SYNGR3: variants seen among roughly 807,000 people sequenced by gnomAD.
SYNGR3 encodes synaptogyrin 3, also known as synaptogyrin-3.
SYNGR3 carries 10 observed loss-of-function variants against 18.5 expected under a neutral mutation model. The ratio of observed to expected loss-of-function variants is 0.54; its 90% CI spans 0.33 to 0.92. The LOEUF is 0.92. SYNGR3 is among the 40% of genes least tolerant of loss of function. The pLI, the probability that SYNGR3 is intolerant of heterozygous loss-of-function variation, is 0.02. For missense variants in SYNGR3, 335 were observed against 332.8 expected (o/e 1.01, Z -0.05); for synonymous variants, 188 against 157.2 (o/e 1.20, Z -1.47).
At chr16:1,992,799 G>A (rs1470670334) in intron 3 of SYNGR3, 21 bp downstream of exon 3, 1 of 1,517,944 alleles carries the variant, frequency 6.6e-7, no homozygotes, top group East Asian at 2.4e-5. Flanking sequence ...GGCCCGGGAG[G>A]GCGGGGCGAA....
chr16:1,993,140 C>T lies in SYNGR3; in HGVS notation c.*68C>T. 2 of 1,531,312 alleles carry T rather than the reference C, an allele frequency of 1.3e-6. No individual in the cohort carries two copies. The highest frequency in any genetic ancestry group is 2.7e-5 in the African/African-American group (2 of 72,768). 94.9% of individuals were successfully genotyped at this position (1,531,312 alleles called of 1,614,324 possible). A position where few individuals can be genotyped will look rare whatever the true frequency, so the allele number is the denominator to read the frequency against. ...ACGCAGGCCCCAGGGTCTCCGGGACCTCCCTTGGGTCCTTCCAGCTCAGTG... is the reference window on the plus strand; with the variant it reads ...ACGCAGGCCCCAGGGTCTCCGGGACTTCCCTTGGGTCCTTCCAGCTCAGTG... On this transcript the variant is annotated 3_prime_UTR_variant, in exon 4 of 4. Coordinates refer to ENST00000248121, the MANE Select transcript of SYNGR3 (RefSeq NM_004209.6).
Position 1,990,163 on chromosome 16 carries a change from G to C in SYNGR3, c.61G>C (p.Ala21Pro). Residue 21 changes from alanine to proline, a missense_variant, in exon 1 of 4, where the codon GCG (alanine) becomes CCG (proline). Physicochemically the swap from Ala to Pro is conservative, Grantham distance 27. Transcript: ENST00000248121. ...GGCCGCCCTGGACCCCGTGAGCTTT[G>C]CGCGGCGGCCCCAGACCCTGCTCCG... is the stretch of plus-strand genomic sequence containing the variant. ...AGAALDPVSF[A>P]RRPQTLLRVA... 4 of 1,263,100 alleles carry C rather than the reference G, an allele frequency of 3.2e-6. No homozygotes were observed. Among genetic ancestry groups the C allele is most frequent in the Non-Finnish European group, 4.0e-6 (4 of 1,001,936 alleles). The allele number at this position is 1,263,100 out of a possible 1,614,324, so 78.2% of individuals were successfully genotyped here.
intron 1 of SYNGR3, 56 bp downstream of exon 1, chr16:1,990,257 C>T (rs1227465491): frequency 2.2e-6 from 2 of 913,566 alleles, no homozygotes; most frequent in Non-Finnish European, 2.9e-6. Flanking sequence ...ACCTTCAGGC[C>T]CCTACCAGCC....
In SYNGR3 at chr16:1,993,123, C is replaced by T; in HGVS notation, c.*51C>T. 1 of 1,558,124 alleles carries T rather than the reference C, an allele frequency of 6.4e-7. No homozygotes were observed. Among genetic ancestry groups the T allele is most frequent in the Non-Finnish European group, 8.7e-7 (1 of 1,151,932 alleles). The stretch of plus-strand genomic sequence containing the variant: ...CCAAGGCCACCCCACCAACGCAGGC[C>T]CCAGGGTCTCCGGGACCTCCCTTGG... On this transcript the variant is annotated 3_prime_UTR_variant, in exon 4 of 4. Transcript: ENST00000248121.
intron 1 of SYNGR3, chr16:1,990,569 G>T (rs2083598052): frequency 2.3e-6 from 1 of 443,250 alleles, no homozygotes; most frequent in Non-Finnish European, 4.5e-6. Context: ...TCTCCGAGGG[G>T]CAGGAGGGGG....
At position 1,992,785 on chromosome 16, in the gene SYNGR3, G is replaced by T; in HGVS notation, c.480+7G>T. 1 of 1,541,818 alleles carries T rather than the reference G, an allele frequency of 6.5e-7. No individual in the cohort carries two copies. ...CTTCTCCATCCTCAGCTGGGTGAGT[G>T]CGGGGCCCGGGAGGGCGGGGCGAAG... On this transcript the variant is annotated splice_region_variant and intron_variant, in intron 3 of 3. Coordinates refer to ENST00000248121, the MANE Select transcript of SYNGR3 (RefSeq NM_004209.6).
At chr16:1,991,706 T>A in intron 1 of SYNGR3, 1 of 487,466 alleles carries the variant, frequency 2.1e-6, no homozygotes, top group East Asian at 3.7e-5. Context: ...ACAATGGCGA[T>A]CCCACGGGGA....
chr16:1,994,157 C>T lies in SYNGR3; in HGVS notation c.*1085C>T, dbSNP rs1243164329. On this transcript the variant is annotated 3_prime_UTR_variant, in exon 4 of 4. Transcript: ENST00000248121. ...GTGGATATTTAAGTGAACATGTTTA[C>T]AATTTTTGTATATATCACTCTCTCC... The T allele has an allele frequency of 6.5e-6, 1 of 154,804 alleles. No individual in the cohort carries two copies. 9.6% of individuals were successfully genotyped at this position (154,804 alleles called of 1,614,324 possible). A position where few individuals can be genotyped will look rare whatever the true frequency, so the allele number is the denominator to read the frequency against.
At position 1,993,830 on chromosome 16, in the gene SYNGR3, TCAG is replaced by T. The variant is rs2083617724; in HGVS notation, c.*762_*764del. ...CTGGGTGCCAGGCAAGACAAGCCCCTCAGCAGGAGAGAGGCCCAGAGGCTCCAG... is the reference window on the plus strand; with the variant it reads ...CTGGGTGCCAGGCAAGACAAGCCCCTCAGGAGAGAGGCCCAGAGGCTCCAG... On this transcript the variant is annotated 3_prime_UTR_variant, in exon 4 of 4. Coordinates refer to ENST00000248121, the MANE Select transcript of SYNGR3 (RefSeq NM_004209.6). 3.0e-6 allele frequency: 1 copy of T among 335,966 alleles called. No individual in the cohort carries two copies. Among genetic ancestry groups the T allele is most frequent in the Non-Finnish European group, 5.9e-6 (1 of 169,852 alleles). 20.8% of individuals were successfully genotyped at this position (335,966 alleles called of 1,614,324 possible). A position where few individuals can be genotyped will look rare whatever the true frequency, so the allele number is the denominator to read the frequency against.
At position 1,990,183 on chromosome 16, in the gene SYNGR3, G is replaced by GC. The variant is rs2083594921; in HGVS notation, c.82dup (p.Leu28ProfsTer280). On this transcript the variant is annotated frameshift_variant, in exon 1 of 4. Transcript: ENST00000248121. LOFTEE classifies it high-confidence loss of function. ...GCTTTGCGCGGCGGCCCCAGACCCT[G>GC]CTCCGGGTCGCGTCCTGGGTGAGTG... 7.8e-7 allele frequency: 1 copy of GC among 1,280,020 alleles called. No individual in the cohort carries two copies. The highest frequency in any genetic ancestry group is 9.9e-7 in the Non-Finnish European group (1 of 1,012,222). The allele number at this position is 1,280,020 out of a possible 1,614,324, so 79.3% of individuals were successfully genotyped here. A position where few individuals can be genotyped will look rare whatever the true frequency, so the allele number is the denominator to read the frequency against.
In SYNGR3 at chr16:1,993,073, C is replaced by A. The variant is rs1161742707; in HGVS notation, c.*1C>A. The A allele has an allele frequency of 6.2e-7, 1 of 1,607,262 alleles. No individual in the cohort carries two copies. Among genetic ancestry groups the A allele is most frequent in the Admixed American group, 1.7e-5 (1 of 59,548 alleles). On this transcript the variant is annotated 3_prime_UTR_variant, in exon 4 of 4. Transcript: ENST00000248121. ...AGGGTACCAGGTGCCCGCCTACTAG[C>A]GGCTGGCAGGCACAGACCAGGGCTC...
Position 1,992,206 on chromosome 16 carries a change from TCTC to T in SYNGR3, c.333_335del (p.Phe111_Ser112delinsLeu). The T allele has an allele frequency of 8.0e-7, 1 of 1,248,042 alleles. No homozygotes were observed. Among genetic ancestry groups the T allele is most frequent in the Non-Finnish European group, 1.0e-6 (1 of 988,680 alleles). The allele number at this position is 1,248,042 out of a possible 1,614,324, so 77.3% of individuals were successfully genotyped here. ...CGCGCGGTGTTGCTGGACCTGGGCT[TCTC>T]AGGTGGGCGGGGCCGGGGCGGTGAG... On this transcript the variant is annotated inframe_deletion and splice_region_variant, in exon 2 of 4. Transcript: ENST00000248121.
Position 1,993,530 on chromosome 16 carries a change from T to C in SYNGR3, c.*458T>C, listed in dbSNP as rs1236441904. The C allele has an allele frequency of 2.1e-6, 1 of 465,250 alleles. No homozygotes were observed. Among genetic ancestry groups the C allele is most frequent in the Non-Finnish European group, 4.3e-6 (1 of 233,122 alleles). The allele number at this position is 465,250 out of a possible 1,614,324, so 28.8% of individuals were successfully genotyped here. A position where few individuals can be genotyped will look rare whatever the true frequency, so the allele number is the denominator to read the frequency against. On this transcript the variant is annotated 3_prime_UTR_variant, in exon 4 of 4. Transcript: ENST00000248121. ...CCCATGTCCCTGTGGGTAGTGACTG[T>C]CTCGTTTCTGTCATGGTGGTGCGTC...
chr16:1,992,789 G>A lies in SYNGR3; in HGVS notation c.480+11G>A, dbSNP rs925512273. ...TCCATCCTCAGCTGGGTGAGTGCGG[G>A]GCCCGGGAGGGCGGGGCGAAGGGGC... is the stretch of plus-strand genomic sequence containing the variant. On this transcript the variant is annotated intron_variant, in intron 3 of 3. Coordinates refer to ENST00000248121, the MANE Select transcript of SYNGR3 (RefSeq NM_004209.6). The A allele has an allele frequency of 5.2e-6, 8 of 1,526,044 alleles. No individual in the cohort carries two copies. In the African/African-American group the frequency reaches 7.1e-5, roughly 13 times the overall value. The allele number at this position is 1,526,044 out of a possible 1,614,324, so 94.5% of individuals were successfully genotyped here.
intron 2 of SYNGR3, 46 bp downstream of exon 2, chr16:1,992,257 CGGGGAGGGG>C: frequency 4.1e-5 from 1 of 24,536 alleles, no homozygotes; most frequent in Non-Finnish European, 6.8e-5. Context: ...TCCGGGTGGG[CGGGGAGGGG>C]GCGGGGCCTG....
intron 2 of SYNGR3, 150 bp downstream of exon 2, chr16:1,992,361 C>A: frequency 7.4e-6 from 1 of 134,738 alleles, no homozygotes; most frequent in Non-Finnish European, 1.2e-5. Context: ...ATGGGCCTCC[C>A]GGGTGGGCGG....
chr16:1,992,723 C>A lies in SYNGR3; in HGVS notation c.425C>A (p.Ala142Glu), dbSNP rs1166411275. The change falls in exon 3 of 4, where the codon GCG (alanine) becomes GAG (glutamate). Residue 142 changes from alanine (A) to glutamate (E), a missense_variant. By Grantham distance (107) the Ala-to-Glu change is moderately radical (BLOSUM62 -1). Transcript: ENST00000248121. The stretch of plus-strand genomic sequence containing the variant: ...GCGCCAGGGCCGGCCACGACGCAGG[C>A]GGGGGACGCGGCGCGGGCCGCCATC... ...RTAPGPATTQ[A>E]GDAARAAIAF... is the part of the protein sequence containing the mutation. 1 of 1,591,618 alleles carries A rather than the reference C, an allele frequency of 6.3e-7. No homozygotes were observed. The highest frequency in any genetic ancestry group is 8.5e-7 in the Non-Finnish European group (1 of 1,172,588).
At position 1,990,102 on chromosome 16, in the gene SYNGR3, C is replaced by T; in HGVS notation, c.-1C>T. ...GGGCGCGCGTCCCGCCCGGGCCGGC[C>T]ATGGAGGGCGCCTCCTTCGGCGCGG... is the stretch of plus-strand genomic sequence containing the variant. On this transcript the variant is annotated 5_prime_UTR_variant, in exon 1 of 4. Coordinates refer to ENST00000248121, the MANE Select transcript of SYNGR3 (RefSeq NM_004209.6). 1 of 1,207,660 alleles carries T rather than the reference C, an allele frequency of 8.3e-7. No individual in the cohort carries two copies. The highest frequency in any genetic ancestry group is 3.3e-5 in the East Asian group (1 of 29,908). The allele number at this position is 1,207,660 out of a possible 1,614,324, so 74.8% of individuals were successfully genotyped here.
intron 2 of SYNGR3, 62 bp from the exon 3 acceptor site, chr16:1,992,574 C>G: frequency 6.4e-7 from 1 of 1,554,086 alleles, no homozygotes; most frequent in Non-Finnish European, 8.6e-7. Flanking sequence ...TTTCCTCCTC[C>G]GGGCGAGGCC....
Sources: allele counts gnomAD v4.1 joint callset, GRCh38; gene constraint gnomAD v4.1.1; transcripts MANE v1.5; gene names NCBI Gene and HGNC (gene_info 2026-07-23, HGNC 2026-07-21).